Variants in SLC5A7 observed in about 807,000 individuals in gnomAD.
SLC5A7 encodes high affinity choline transporter 1.
A neutral mutation model predicts 55.4 loss-of-function variants in SLC5A7; 19 were observed. The ratio of observed to expected loss-of-function variants is 0.34; its 90% CI spans 0.24 to 0.50. The LOEUF is 0.50. SLC5A7 is among the 20% of genes least tolerant of loss of function. SLC5A7 has a pLI of 0.98. For synonymous variants in SLC5A7, 265 were observed against 263.7 expected, an observed-to-expected ratio of 1.00 and a Z score of -0.05; for missense variants, 506 against 705.3, an observed-to-expected ratio of 0.72 and a Z score of 3.20.
rs141912210 is a variant in SLC5A7, at chr2:108,013,427, A to C, written c.*2566A>C. The stretch of plus-strand genomic sequence containing the variant: ...TGCAAGGAAGGAAACAATGGTCACA[A>C]GGTCTTTACTTATGCACATTTGTGC... On this transcript the variant is annotated 3_prime_UTR_variant, in exon 9 of 9. Coordinates refer to ENST00000264047, the MANE Select transcript of SLC5A7 (RefSeq NM_021815.5). The C allele has an allele frequency of 2.6e-4, 40 of 152,212 alleles. No homozygotes were observed. The highest frequency in any genetic ancestry group is 9.4e-4 in the African/African-American group (39 of 41,520). The allele number at this position is 152,212 out of a possible 1,614,324, so 9.4% of individuals were successfully genotyped here. A position where few individuals can be genotyped will look rare whatever the true frequency, so the allele number is the denominator to read the frequency against.
At chr2:108,005,463 A>G (rs989895475) in intron 6 of SLC5A7, among the ~76,000 whole-genome samples, 1 of 152,230 alleles carries the variant, frequency 6.6e-6, no homozygotes, top group Non-Finnish European at 1.5e-5. Context: ...AATACAGTTC[A>G]AAATAGGTAA....
chr2:108,004,702 AC>A (rs1161956536), intron 6 of SLC5A7, among the ~76,000 whole-genome samples: 2 of 152,086 alleles, frequency 1.3e-5, no homozygotes, highest in African/African-American at 4.8e-5. Context: ...CATACCAAAT[AC>A]CCAGTGGTCT....
At chr2:107,996,097 A>G (rs1469408531) in intron 4 of SLC5A7, among the ~76,000 whole-genome samples, 1 of 152,096 alleles carries the variant, frequency 6.6e-6, no homozygotes, top group Non-Finnish European at 1.5e-5. Flanking sequence ...GCTAATCTTT[A>G]TTTTATAATT....
At position 108,010,921 on chromosome 2, in the gene SLC5A7, GA is replaced by G; in HGVS notation, c.*61del. 3 of 1,448,834 alleles carry G rather than the reference GA, an allele frequency of 2.1e-6. No homozygotes were observed. The highest frequency in any genetic ancestry group is 2.8e-6 in the Non-Finnish European group (3 of 1,088,244). 89.7% of individuals were successfully genotyped at this position (1,448,834 alleles called of 1,614,324 possible). A position where few individuals can be genotyped will look rare whatever the true frequency, so the allele number is the denominator to read the frequency against. On this transcript the variant is annotated 3_prime_UTR_variant, in exon 9 of 9. Coordinates refer to ENST00000264047, the MANE Select transcript of SLC5A7 (RefSeq NM_021815.5). ...AACACTGTAATAGGGTAGTTCTGGA[GA>G]GATGGTATGCAGCATACAAAAATAT...
intron 8 of SLC5A7, among the ~76,000 whole-genome samples, 168 bp from the exon 9 acceptor site, chr2:108,010,060 CTTGA>C (rs1678259538): frequency 6.6e-6 from 1 of 152,148 alleles, no homozygotes; most frequent in South Asian, 2.1e-4. Flanking sequence ...AGGAAGTCAC[CTTGA>C]TTGTTTGCTT....
At chr2:107,993,238 A>G in intron 4 of SLC5A7, 111 bp downstream of exon 4, 1 of 1,130,180 alleles carries the variant, frequency 8.8e-7, no homozygotes, top group Non-Finnish European at 1.3e-6. Flanking sequence ...TTAAAACCAT[A>G]TGCTGAACCA....
chr2:107,993,173 A>T (rs1475030869), intron 4 of SLC5A7, 46 bp downstream of exon 4: 3 of 1,604,984 alleles, frequency 1.9e-6, no homozygotes, highest in Non-Finnish European at 2.6e-6. Context: ...TAGTTAACTA[A>T]ACATCAGATA....
intron 8 of SLC5A7, 102 bp from the exon 9 acceptor site, chr2:108,010,130 G>A: frequency 7.2e-7 from 1 of 1,390,166 alleles, no homozygotes; most frequent in Non-Finnish European, 9.7e-7. Context: ...TGAACCAGGA[G>A]AATTCTTTAG....
chr2:107,999,034 A>G (rs1301937993), intron 5 of SLC5A7, among the ~76,000 whole-genome samples: 1 of 152,228 alleles, frequency 6.6e-6, no homozygotes, highest in African/African-American at 2.4e-5. Flanking sequence ...GACTACAATT[A>G]GATGTGCAGT....
At chr2:108,000,592 C>A (rs1323643460) in intron 5 of SLC5A7, among the ~76,000 whole-genome samples, 1 of 151,982 alleles carries the variant, frequency 6.6e-6, no homozygotes, top group Non-Finnish European at 1.5e-5. Context: ...GCCACTGTGC[C>A]TGGCAGTTTC....
intron 4 of SLC5A7, 149 bp downstream of exon 4, chr2:107,993,276 A>T (rs369257772): frequency 1.2e-6 from 1 of 830,164 alleles, no homozygotes. Context: ...GCTTAATGGA[A>T]ATTCTACGTT....
intron 5 of SLC5A7, 22 bp downstream of exon 5, chr2:107,998,008 TCTC>T (rs1558864023): frequency 2.5e-6 from 4 of 1,594,940 alleles, no homozygotes; most frequent in Non-Finnish European, 1.7e-6. Context: ...CACCCAAGAT[TCTC>T]CTCCTTTTTT....
intron 5 of SLC5A7, among the ~76,000 whole-genome samples, chr2:108,001,537 G>A (rs889001052): frequency 1.3e-5 from 2 of 150,520 alleles, no homozygotes; most frequent in African/African-American, 4.9e-5. Flanking sequence ...GCCGGGCGTA[G>A]TGGCGGGCGC....
intron 6 of SLC5A7, among the ~76,000 whole-genome samples, chr2:108,004,058 A>G (rs1678016086): frequency 6.6e-6 from 1 of 152,130 alleles, no homozygotes; most frequent in Admixed American, 6.5e-5. Flanking sequence ...ATTATTTCCC[A>G]AAGACCCCAC....
chr2:107,989,534 G>C (rs1035557146), intron 2 of SLC5A7, among the ~76,000 whole-genome samples: 7 of 152,172 alleles, frequency 4.6e-5, no homozygotes, highest in Admixed American at 1.3e-4. Context: ...ACGGCATTAT[G>C]ATGAGCATCT....
rs1677923601 is a variant in SLC5A7, at chr2:108,001,927, C to T, written c.628C>T (p.Pro210Ser). 1 of 1,614,022 alleles carries T rather than the reference C, an allele frequency of 6.2e-7. No homozygotes were observed. The highest frequency in any genetic ancestry group is 1.1e-5 in the South Asian group (1 of 91,078). ...CAGCGTCCCCTTTGCATTGTCACAT[C>T]CTGCAGTCGCAGACATCGGGTTCAC... The part of the protein sequence containing the change: ...WISVPFALSH[P>S]AVADIGFTAV... The change falls in exon 6 of 9, where the codon CCT becomes TCT. Residue 210 changes from proline (P) to serine (S), a missense_variant. Physicochemically the swap from Pro to Ser is moderately conservative, Grantham distance 74 (BLOSUM62 -1). Coordinates refer to ENST00000264047, the MANE Select transcript of SLC5A7 (RefSeq NM_021815.5).
intron 4 of SLC5A7, 110 bp from the exon 5 acceptor site, chr2:107,997,728 A>G: frequency 1.7e-6 from 2 of 1,144,550 alleles, no homozygotes. Context: ...ACTGCATTTC[A>G]TATGACAGAG....
intron 2 of SLC5A7, among the ~76,000 whole-genome samples, chr2:107,991,754 A>G (rs1677461889): frequency 6.6e-6 from 1 of 152,282 alleles, no homozygotes; most frequent in South Asian, 2.1e-4. Context: ...CTGCTGACTC[A>G]ATGCATTTAG....
At chr2:108,009,782 G>T (rs926937266) in intron 8 of SLC5A7, among the ~76,000 whole-genome samples, 3 of 152,178 alleles carry the variant, frequency 2.0e-5, no homozygotes, top group Non-Finnish European at 4.4e-5. Context: ...ATGTGTGCAT[G>T]TGTCTTTTCA....
Sources: gnomAD v4.1 joint callset for allele counts (sites outside exome capture counted in the v4.1 genomes callset) on GRCh38, gnomAD v4.1.1 for gene constraint, MANE v1.5 for transcripts, NCBI Gene and HGNC (gene_info 2026-07-23, HGNC 2026-07-21) for gene names.